Variants in SFTPA2 observed in about 807,000 individuals in gnomAD.
The protein encoded by SFTPA2 is surfactant protein A2.
In SFTPA2, 21 loss-of-function variants were observed where a neutral mutation model predicts 20.3. That is an observed-to-expected ratio of 1.03 (90% CI 0.73 to 1.49). SFTPA2 has a LOEUF of 1.49. Among genes scored for constraint, SFTPA2 ranks in the 40% most tolerant of loss-of-function variants. The pLI, the probability that SFTPA2 is intolerant of heterozygous loss-of-function variation, is 0.00. For missense variants in SFTPA2, 302 were observed against 314.8 expected (o/e 0.96, Z 0.31); for synonymous variants, 116 against 118.7 (o/e 0.98, Z 0.15).
At chr10:79,559,167 C>T (rs1859019872) in intron 3 of SFTPA2, 145 bp downstream of exon 3, 8 of 1,351,894 alleles carry the variant, frequency 5.9e-6, no homozygotes, top group Non-Finnish European at 8.4e-6. Context: ...GCCCCAGGAA[C>T]CCACCACCCC....
At chr10:79,558,479 C>T (rs1286190805) in intron 4 of SFTPA2, among the ~76,000 whole-genome samples, 1 of 152,106 alleles carries the variant, frequency 6.6e-6, no homozygotes, top group Non-Finnish European at 1.5e-5. Context: ...GATGGACTTG[C>T]TTACCGCTCT....
chr10:79,557,135 C>G lies in SFTPA2; in HGVS notation c.*74G>C, dbSNP rs918024015. On this transcript the variant is annotated 3_prime_UTR_variant, in exon 6 of 6. Coordinates refer to ENST00000372325, the MANE Select transcript of SFTPA2 (RefSeq NM_001098668.4). ...GTTGAAAGGGAGTTCTAGCATCTCACAGACCAAGTGGATCCTGGGGATGGA... is the reference window on the plus strand; with the variant it reads ...GTTGAAAGGGAGTTCTAGCATCTCAGAGACCAAGTGGATCCTGGGGATGGA... 4 of 1,612,398 alleles carry G rather than the reference C, an allele frequency of 2.5e-6. No homozygotes were observed. In the African/African-American group the frequency reaches 5.3e-5, roughly 22 times the overall value.
At chr10:79,559,163 G>A in intron 3 of SFTPA2, 149 bp downstream of exon 3, 2 of 1,390,380 alleles carry the variant, frequency 1.4e-6, no homozygotes, top group Non-Finnish European at 2.0e-6. Flanking sequence ...AAGGGCCCCA[G>A]GAACCCACCA....
Position 79,557,229 on chromosome 10 carries a change from G to T in SFTPA2, c.727C>A (p.Leu243Met). 6 of 1,614,196 alleles carry T rather than the reference G, an allele frequency of 3.7e-6. No homozygotes were observed. Among genetic ancestry groups the T allele is most frequent in the South Asian group, 1.1e-5 (1 of 91,084 alleles). ...GCCTCTCAGAACTCACAGATGGTCA[G>T]TCGGGAGTACAGGCAGTTCCTGTCA... ...WNDRNCLYSR[L>M]TICEF The change falls in exon 6 of 6, where the codon CTG (leucine) becomes ATG (methionine). Residue 243 changes from leucine to methionine, a missense_variant. By Grantham distance (15) the Leu-to-Met change is conservative. This residue lies in a region of SFTPA2 where 264 missense variants were observed against 261.7 expected (regional missense o/e 1.01). Coordinates refer to ENST00000372325, the MANE Select transcript of SFTPA2 (RefSeq NM_001098668.4).
In SFTPA2 at chr10:79,558,085, C is replaced by T. The variant is rs565093426; in HGVS notation, c.337G>A (p.Asp113Asn). ...GTCTGCAGGATTTGATGTCTGAAGT[C>T]GTGGAGTGTGGCTTGGAGCTCCTCA... ...LDEELQATLHDFRHQILQTRG... is the reference protein window; with the variant it reads ...LDEELQATLHNFRHQILQTRG... Residue 113 changes from aspartate to asparagine, a missense_variant, in exon 5 of 6, where the codon GAC becomes AAC. Transcript: ENST00000372325. 63 of 1,614,020 alleles carry T rather than the reference C, an allele frequency of 3.9e-5. No homozygotes were observed. The highest frequency in any genetic ancestry group is 2.6e-4 in the South Asian group (24 of 91,068).
At position 79,556,303 on chromosome 10, in the gene SFTPA2, G is replaced by A. The variant is rs1564666266; in HGVS notation, c.*906C>T. The A allele has an allele frequency of 6.0e-6, 1 of 167,768 alleles. No individual in the cohort carries two copies. The highest frequency in any genetic ancestry group is 6.5e-5 in the Admixed American group (1 of 15,290). The allele number at this position is 167,768 out of a possible 1,614,324, so 10.4% of individuals were successfully genotyped here. A position where few individuals can be genotyped will look rare whatever the true frequency, so the allele number is the denominator to read the frequency against. ...TAAATAAATATCCCCAAGAGTCACC[G>A]GGTACTGTGCCCACCCCAAGACACA... is the stretch of plus-strand genomic sequence containing the variant. On this transcript the variant is annotated 3_prime_UTR_variant, in exon 6 of 6. Transcript: ENST00000372325.
At chr10:79,558,327 G>C (rs1752360543) in intron 4 of SFTPA2, 198 bp from the exon 5 acceptor site, 8 of 845,664 alleles carry the variant, frequency 9.5e-6, no homozygotes, top group Non-Finnish European at 1.1e-5. Flanking sequence ...CTTTAGTGAA[G>C]CCTTGCCCCT....
intron 1 of SFTPA2, 141 bp from the exon 2 acceptor site, chr10:79,560,139 T>TACCAGGGACTCAGCAGG: frequency 3.9e-6 from 2 of 511,176 alleles, no homozygotes; most frequent in Non-Finnish European, 5.1e-6. Context: ...GCTTAGGCCC[T>TACCAGGGACTCAGCAGG]GCTGAGTCCC....
At position 79,557,263 on chromosome 10, in the gene SFTPA2, C is replaced by A. The variant is rs1333792093; in HGVS notation, c.693G>T (p.Gly231=). The change falls in exon 6 of 6, where the codon GGG becomes GGT. Residue 231 remains glycine, a synonymous_variant. Coordinates refer to ENST00000372325, the MANE Select transcript of SFTPA2 (RefSeq NM_001098668.4). Reference sequence around the variant, plus strand: ...ACAGGCAGTTCCTGTCATTCCACTGCCCATCTGTGTACATCTCCACACACT... The same window carrying A: ...ACAGGCAGTTCCTGTCATTCCACTGACCATCTGTGTACATCTCCACACACT... ...KEQCVEMYTD[G]QWNDRNCLYS... 1 of 1,614,180 alleles carries A rather than the reference C, an allele frequency of 6.2e-7. No homozygotes were observed.
In SFTPA2 at chr10:79,557,552, C is replaced by G. The variant is rs998394205; in HGVS notation, c.404G>C (p.Gly135Ala). Reference protein sequence around the residue: ...LSLQGSIMTVGEKVFSSNGQS... With the variant: ...LSLQGSIMTVAEKVFSSNGQS... ...CCCATTGCTGGAGAAGACCTTCTCT[C>G]CTACTGTCATTATGGAGCCCTGCAG... Residue 135 changes from glycine (G) to alanine (A), a missense_variant, in exon 6 of 6, where the codon GGA becomes GCA. By Grantham distance (60) the Gly-to-Ala change is moderately conservative. Transcript: ENST00000372325. The G allele has an allele frequency of 1.2e-6, 2 of 1,612,190 alleles. No individual in the cohort carries two copies. Among genetic ancestry groups the G allele is most frequent in the Admixed American group, 1.7e-5 (1 of 59,968 alleles).
chr10:79,557,988 G>T (rs1189632000), intron 5 of SFTPA2, 64 bp downstream of exon 5: 4 of 1,607,402 alleles, frequency 2.5e-6, no homozygotes, highest in Non-Finnish European at 3.4e-6. Context: ...CTAGAAGGTG[G>T]TGCTGAGAAT....
At position 79,558,902 on chromosome 10, in the gene SFTPA2, G is replaced by T. The variant is rs185175672; in HGVS notation, c.276C>A (p.Gly92=). The T allele has an allele frequency of 9.9e-6, 16 of 1,613,806 alleles. No individual in the cohort carries two copies. The highest frequency in any genetic ancestry group is 2.2e-5 in the South Asian group (2 of 91,066). ...PGERGEKGEA[G]ERGPPGLPAH... is the part of the protein sequence containing the mutation. Reference sequence around the variant, plus strand: ...CCTGCTCACCTGGAGGGCCTCTCTCGCCAGCCTCCCCCTTCTCTCCACGCT... The same window carrying T: ...CCTGCTCACCTGGAGGGCCTCTCTCTCCAGCCTCCCCCTTCTCTCCACGCT... Residue 92 remains glycine (G), a synonymous_variant, in exon 4 of 6, where the codon GGC becomes GGA. Transcript: ENST00000372325.
At chr10:79,559,096 G>A (rs1677857376) in intron 3 of SFTPA2, 91 bp from the exon 4 acceptor site, 7 of 1,612,324 alleles carry the variant, frequency 4.3e-6, no homozygotes, top group African/African-American at 1.3e-5. Flanking sequence ...ACCGGGGCTG[G>A]CTCAGCTATC....
In SFTPA2 at chr10:79,557,572, C is replaced by T; in HGVS notation, c.384G>A (p.Gln128=). 6.2e-7 allele frequency: 1 copy of T among 1,609,530 alleles called. No individual in the cohort carries two copies. Among genetic ancestry groups the T allele is most frequent in the Non-Finnish European group, 8.5e-7 (1 of 1,177,384 alleles). Residue 128 remains glutamine (Q), a synonymous_variant, in exon 6 of 6, where the codon CAG becomes CAA. Coordinates refer to ENST00000372325, the MANE Select transcript of SFTPA2 (RefSeq NM_001098668.4). ...TCTCTCCTACTGTCATTATGGAGCC[C>T]TGCAGACTGAGGGCTGAGAGCAGAG... ...ILQTRGALSL[Q]GSIMTVGEKV...
chr10:79,559,449 A>G lies in SFTPA2; in HGVS notation c.35T>C (p.Leu12Ser). Residue 12 changes from leucine (L) to serine (S), a missense_variant, in exon 3 of 6, where the codon TTG becomes TCG. Leu to Ser is a moderately radical substitution (Grantham distance 145). Transcript: ENST00000372325. ...GCACGCAGCACCAGAGGCTGCCATC[A>G]AGATGAGGGTGAGGGCCAGAGGGCA... The part of the protein sequence containing the change: ...WLCPLALTLI[L>S]MAASGAACEV... The G allele has an allele frequency of 6.2e-7, 1 of 1,613,400 alleles. No homozygotes were observed. The highest frequency in any genetic ancestry group is 2.2e-5 in the East Asian group (1 of 44,812).
At position 79,556,951 on chromosome 10, in the gene SFTPA2, A is replaced by T; in HGVS notation, c.*258T>A. 1 of 608,592 alleles carries T rather than the reference A, an allele frequency of 1.6e-6. No homozygotes were observed. The highest frequency in any genetic ancestry group is 2.8e-6 in the Non-Finnish European group (1 of 353,596). 37.7% of individuals were successfully genotyped at this position (608,592 alleles called of 1,614,324 possible). ...AATAAGGAGGCCTCCATCTCATGCCAAAGGCCAAGGCTAGGAGTGGCTGCC... is the reference window on the plus strand; with the variant it reads ...AATAAGGAGGCCTCCATCTCATGCCTAAGGCCAAGGCTAGGAGTGGCTGCC... On this transcript the variant is annotated 3_prime_UTR_variant, in exon 6 of 6. Coordinates refer to ENST00000372325, the MANE Select transcript of SFTPA2 (RefSeq NM_001098668.4).
At position 79,556,979 on chromosome 10, in the gene SFTPA2, G is replaced by A. The variant is rs1169713614; in HGVS notation, c.*230C>T. On this transcript the variant is annotated 3_prime_UTR_variant, in exon 6 of 6. Transcript: ENST00000372325. ...GGCCAAGGCTAGGAGTGGCTGCCTG[G>A]GGTGCAGTGCTGGGATGGTTTGCAA... The A allele has an allele frequency of 4.1e-6, 3 of 726,378 alleles. No homozygotes were observed. In the Admixed American group the frequency reaches 8.6e-5, roughly 21 times the overall value. 45.0% of individuals were successfully genotyped at this position (726,378 alleles called of 1,614,324 possible). A position where few individuals can be genotyped will look rare whatever the true frequency, so the allele number is the denominator to read the frequency against.
rs1247645765 is a variant in SFTPA2, at chr10:79,556,029, T to G, written c.*1180A>C. The G allele has an allele frequency of 1.3e-5, 2 of 155,814 alleles. No individual in the cohort carries two copies. Among genetic ancestry groups the G allele is most frequent in the Non-Finnish European group, 2.9e-5 (2 of 68,054 alleles). 9.7% of individuals were successfully genotyped at this position (155,814 alleles called of 1,614,324 possible). A position where few individuals can be genotyped will look rare whatever the true frequency, so the allele number is the denominator to read the frequency against. On this transcript the variant is annotated 3_prime_UTR_variant, in exon 6 of 6. Transcript: ENST00000372325. ...AACATTTCACTCCTCTAAGCTTCAG[T>G]GTCCTTATAAAAAATTGGGTAAACA...
intron 4 of SFTPA2, 26 bp downstream of exon 4, chr10:79,558,860 C>T (rs1205780507): frequency 6.2e-7 from 1 of 1,614,104 alleles, no homozygotes; most frequent in Non-Finnish European, 8.5e-7. Context: ...CATGTTTCCA[C>T]TGCCCACCTG....
Sources: gnomAD v4.1 joint callset for allele counts (sites outside exome capture counted in the v4.1 genomes callset) on GRCh38, gnomAD v4.1.1 for gene constraint, gnomAD v4.1.1 regional missense constraint, MANE v1.5 for transcripts, NCBI Gene and HGNC (gene_info 2026-07-23, HGNC 2026-07-21) for gene names.